UBE2W: variants seen among roughly 807,000 people sequenced by gnomAD.
UBE2W encodes ubiquitin-conjugating enzyme E2 W.
Under a neutral mutation model 27.2 loss-of-function variants are expected in UBE2W, and 18 were observed. The observed-to-expected ratio is 0.66, with a 90% CI of 0.46 to 0.98. UBE2W has a LOEUF of 0.98. Among genes scored for constraint, UBE2W ranks in the 50% least tolerant of loss-of-function variants. The pLI is 0.00. For synonymous variants in UBE2W, 53 were observed against 57.2 expected (o/e 0.93, Z 0.33); for missense variants, 90 against 180.2 (o/e 0.50, Z 2.87).
intron 1 of UBE2W, among the ~76,000 whole-genome samples, chr8:73,871,209 T>C (rs1183213810): frequency 6.6e-6 from 1 of 152,208 alleles, no homozygotes; most frequent in Non-Finnish European, 1.5e-5. Flanking sequence ...AGTTGAATTC[T>C]GGATATATTT....
At chr8:73,837,955 A>G (rs746762614) in intron 1 of UBE2W, among the ~76,000 whole-genome samples, 34 of 152,156 alleles carry the variant, frequency 2.2e-4, no homozygotes, top group Non-Finnish European at 3.7e-4. Flanking sequence ...CTTCCATCCA[A>G]AAAAGCCAGT....
chr8:73,816,987 T>A (rs1036694280), intron 3 of UBE2W, among the ~76,000 whole-genome samples: 1 of 151,734 alleles, frequency 6.6e-6, no homozygotes, highest in African/African-American at 2.4e-5. Context: ...TGAGCCAAGA[T>A]TGCGCCACTT....
chr8:73,843,887 G>A (rs57402263), intron 1 of UBE2W, among the ~76,000 whole-genome samples: 6,590 of 152,040 alleles, frequency 0.043, 181 homozygotes, highest in Non-Finnish European at 0.059. Flanking sequence ...TACTCGAGAG[G>A]CTGAGGCAAG....
chr8:73,805,472 C>CAAAAAAAACAAAAACAAACAA (rs1554579996), intron 5 of UBE2W, among the ~76,000 whole-genome samples, 179 bp downstream of exon 5: 5 of 43,692 alleles, frequency 1.1e-4, no homozygotes, highest in African/African-American at 3.0e-4. Flanking sequence ...AAAAAAAAAA[C>CAAAAAAAACAAAAACAAACAA]AAAAAAAACT....
downstream of UBE2W, among the ~76,000 whole-genome samples, chr8:73,785,641 G>A (rs1169772389): frequency 6.6e-6 from 1 of 151,978 alleles, no homozygotes; most frequent in Non-Finnish European, 1.5e-5. Flanking sequence ...TCCCAGGCTG[G>A]AGTGCAATGG....
chr8:73,789,682 C>T lies in UBE2W; in HGVS notation c.*4420G>A, dbSNP rs1380988268. The T allele has an allele frequency of 6.2e-6, 1 of 160,530 alleles. No individual in the cohort carries two copies. Among genetic ancestry groups the T allele is most frequent in the Non-Finnish European group, 1.3e-5 (1 of 75,986 alleles). 9.9% of individuals were successfully genotyped at this position (160,530 alleles called of 1,614,324 possible). A position where few individuals can be genotyped will look rare whatever the true frequency, so the allele number is the denominator to read the frequency against. On this transcript the variant is annotated 3_prime_UTR_variant, in exon 6 of 6. Coordinates refer to ENST00000602593, the MANE Select transcript of UBE2W (RefSeq NM_018299.6). The stretch of plus-strand genomic sequence containing the variant: ...CCAACACGGTGAAACCTTGTCTCTA[C>T]TAAAAATTAGTCAGGTGTGGCAGCA...
chr8:73,820,515 T>C (rs978255169), intron 3 of UBE2W, among the ~76,000 whole-genome samples: 38 of 151,818 alleles, frequency 2.5e-4, no homozygotes, highest in African/African-American at 9.2e-4. Flanking sequence ...GGCGAGCAGA[T>C]CACTTTAGGA....
chr8:73,861,599 T>A lies in UBE2W; in HGVS notation c.15+17209A>T, dbSNP rs552187682. ...CTGAGATCCCAGGCATGAGCCATCGTGACCAACCCAGATTACGTTTTAAAT... is the reference window on the plus strand; with the variant it reads ...CTGAGATCCCAGGCATGAGCCATCGAGACCAACCCAGATTACGTTTTAAAT... On this transcript the variant is annotated intron_variant, in intron 1 of 5. Transcript: ENST00000602593. 3.3e-5 allele frequency among the ~76,000 whole-genome samples: 5 copies of A among 152,314 alleles called. No homozygotes were observed. The South Asian group carries it at 1.0e-3, about 32-fold the overall frequency.
downstream of UBE2W, among the ~76,000 whole-genome samples, chr8:73,784,881 A>C: frequency 6.6e-6 from 1 of 152,152 alleles, no homozygotes; most frequent in Middle Eastern, 3.4e-3. Context: ...TTTCTTCCCA[A>C]TTGATAAATT....
chr8:73,799,797 T>C (rs1439216689), intron 5 of UBE2W, among the ~76,000 whole-genome samples: 1 of 152,230 alleles, frequency 6.6e-6, no homozygotes, highest in African/African-American at 2.4e-5. Context: ...GTTCAGTTTC[T>C]GATCTTTCTG....
intron 1 of UBE2W, among the ~76,000 whole-genome samples, chr8:73,866,049 A>T (rs1009693409): frequency 9.9e-5 from 15 of 152,018 alleles, no homozygotes; most frequent in African/African-American, 3.6e-4. Context: ...AGGCCAAGGC[A>T]GGTGGATCAT....
intron 1 of UBE2W, among the ~76,000 whole-genome samples, chr8:73,847,023 G>C (rs1264789442): frequency 6.6e-6 from 1 of 152,112 alleles, no homozygotes; most frequent in Non-Finnish European, 1.5e-5. Flanking sequence ...CAAAAAATTA[G>C]CTGGGCGTGG....
At chr8:73,856,569 T>C (rs2130961433) in intron 1 of UBE2W, among the ~76,000 whole-genome samples, 1 of 143,860 alleles carries the variant, frequency 7.0e-6, no homozygotes, top group Middle Eastern at 3.4e-3. Flanking sequence ...CTCGCTGGTC[T>C]GGCTCGAACT....
chr8:73,837,446 G>A (rs1293752356), intron 1 of UBE2W, among the ~76,000 whole-genome samples: 1 of 152,090 alleles, frequency 6.6e-6, no homozygotes, highest in Non-Finnish European at 1.5e-5. Context: ...CCAGAAGGCG[G>A]AGGTTCCAGT....
chr8:73,805,472 C>CAAAACAAAAAAAAACAACAAAAAAAA (rs1554579998), intron 5 of UBE2W, among the ~76,000 whole-genome samples, 179 bp downstream of exon 5: 1 of 43,676 alleles, frequency 2.3e-5, no homozygotes. Context: ...AAAAAAAAAA[C>CAAAACAAAAAAAAACAACAAAAAAAA]AAAAAAAACT....
At chr8:73,824,041 C>T (rs767648189) in intron 3 of UBE2W, among the ~76,000 whole-genome samples, 1 of 152,180 alleles carries the variant, frequency 6.6e-6, no homozygotes, top group Non-Finnish European at 1.5e-5. Flanking sequence ...CATTTGCTAG[C>T]AATACTAGAG....
intron 1 of UBE2W, among the ~76,000 whole-genome samples, chr8:73,849,192 C>CA (rs1321590559): frequency 1.4e-4 from 21 of 151,766 alleles, no homozygotes; most frequent in Non-Finnish European, 2.5e-4. Flanking sequence ...AAAATAAGTG[C>CA]AAAAAAACAG....
At chr8:73,846,665 A>AT (rs1480860975) in intron 1 of UBE2W, among the ~76,000 whole-genome samples, 5 of 151,924 alleles carry the variant, frequency 3.3e-5, no homozygotes, top group African/African-American at 4.9e-5. Context: ...TTTGGATGGG[A>AT]TAAGAATATG....
chr8:73,857,496 G>A (rs1010812789), intron 1 of UBE2W, among the ~76,000 whole-genome samples: 1 of 152,068 alleles, frequency 6.6e-6, no homozygotes, highest in Non-Finnish European at 1.5e-5. Flanking sequence ...TTGATAAAGA[G>A]CAAGTTCAAT....
Sources: allele counts gnomAD v4.1 joint callset (sites outside exome capture counted in the v4.1 genomes callset), GRCh38; gene constraint gnomAD v4.1.1; transcripts MANE v1.5; gene names NCBI Gene and HGNC (gene_info 2026-07-23, HGNC 2026-07-21).